Variants in LAMC2 observed in about 807,000 individuals in gnomAD.
LAMC2 encodes the protein laminin subunit gamma 2, also known as laminin subunit gamma-2.
In LAMC2, 97 loss-of-function variants were observed where a neutral mutation model predicts 140.2. That is an observed-to-expected ratio of 0.69 (90% CI 0.59 to 0.82). The LOEUF (loss-of-function observed/expected upper bound fraction) is 0.82. LAMC2 is among the 40% of genes least tolerant of loss of function. The pLI is 0.00. For synonymous variants in LAMC2, 513 were observed against 540.2 expected (o/e 0.95, Z 0.70); for missense variants, 1,402 against 1,476.1 (o/e 0.95, Z 0.82).
chr1:183,206,522 A>G (rs1571510356), intron 1 of LAMC2, among the ~76,000 whole-genome samples: 1 of 152,058 alleles, frequency 6.6e-6, no homozygotes, highest in Non-Finnish European at 1.5e-5. Flanking sequence ...GTGCGCACCT[A>G]TAATCCCAGC....
intron 9 of LAMC2, 29 bp downstream of exon 9, chr1:183,226,945 G>T (rs1478287125): frequency 6.4e-7 from 1 of 1,564,312 alleles, no homozygotes; most frequent in African/African-American, 1.4e-5. Flanking sequence ...GGACCAGGTG[G>T]CTGGGGTGTC....
Position 183,225,593 on chromosome 1 carries a change from T to C in LAMC2, c.954-15T>C, listed in dbSNP as rs370813334. ...AGAATCGGATTTTTAAAGCTTTTGA[T>C]TTTAAATTATGCAGGTTAAATGAGC... On this transcript the variant is annotated splice_polypyrimidine_tract_variant and intron_variant, in intron 7 of 22. Transcript: ENST00000264144. 345 of 1,560,344 alleles carry C rather than the reference T, an allele frequency of 2.2e-4. No homozygotes were observed. Among genetic ancestry groups the C allele is most frequent in the Non-Finnish European group, 2.9e-4 (332 of 1,131,262 alleles).
intron 1 of LAMC2, among the ~76,000 whole-genome samples, chr1:183,202,134 C>T (rs904690828): frequency 2.6e-5 from 4 of 151,212 alleles, no homozygotes; most frequent in Non-Finnish European, 4.4e-5. Flanking sequence ...GTGGAGGTTG[C>T]AATGAGCTGA....
At chr1:183,200,714 C>T (rs975111674) in intron 1 of LAMC2, among the ~76,000 whole-genome samples, 2 of 151,936 alleles carry the variant, frequency 1.3e-5, no homozygotes, top group East Asian at 1.9e-4. Context: ...GAAGTGAGCC[C>T]GAGGGATCCT....
Position 183,243,198 on chromosome 1 carries a change from T to C in LAMC2, c.3380T>C (p.Leu1127Pro), listed in dbSNP as rs1297463421. The change falls in exon 23 of 23, where the codon CTT becomes CCT. Residue 1127 changes from leucine (L) to proline (P), a missense_variant. Leu to Pro is a moderately conservative substitution (Grantham distance 98). Transcript: ENST00000264144. ...EEGLVLLEQK[L>P]SRAKTQINSQ... ...GGGCTGGTCTTACTGGAGCAGAAGC[T>C]TTCCCGAGCCAAGACCCAGATCAAC... 6.2e-7 allele frequency: 1 copy of C among 1,613,870 alleles called. No homozygotes were observed. The highest frequency in any genetic ancestry group is 8.5e-7 in the Non-Finnish European group (1 of 1,179,908).
At chr1:183,241,550 T>C (rs1286955452) in intron 22 of LAMC2, among the ~76,000 whole-genome samples, 1 of 152,224 alleles carries the variant, frequency 6.6e-6, no homozygotes, top group African/African-American at 2.4e-5. Context: ...TTTATCAAGC[T>C]TGGACTGCAG....
At chr1:183,206,838 G>A (rs1658901270) in intron 1 of LAMC2, among the ~76,000 whole-genome samples, 2 of 152,162 alleles carry the variant, frequency 1.3e-5, no homozygotes, top group South Asian at 4.1e-4. Flanking sequence ...AGCCTGTGTA[G>A]GGAAGGGAGG....
chr1:183,217,652 G>T (rs890570094), intron 3 of LAMC2, among the ~76,000 whole-genome samples: 1 of 152,192 alleles, frequency 6.6e-6, no homozygotes, highest in African/African-American at 2.4e-5. Flanking sequence ...ACCACATATG[G>T]TATAATTCCA....
chr1:183,186,335 G>A lies in LAMC2; in HGVS notation c.-18G>A, dbSNP rs764940024. The A allele has an allele frequency of 5.7e-6, 9 of 1,584,446 alleles. No homozygotes were observed. In the Admixed American group the frequency reaches 1.6e-4, roughly 28 times the overall value. On this transcript the variant is annotated 5_prime_UTR_variant, in exon 1 of 23. Coordinates refer to ENST00000264144, the MANE Select transcript of LAMC2 (RefSeq NM_005562.3). ...GACCCCTGCAGCGGAGACAGAGACTGAGCGGCCCGGCCCCGCCATGCCTGC... is the reference window on the plus strand; with the variant it reads ...GACCCCTGCAGCGGAGACAGAGACTAAGCGGCCCGGCCCCGCCATGCCTGC...
intron 13 of LAMC2, 149 bp downstream of exon 13, chr1:183,232,492 T>C: frequency 4.5e-6 from 5 of 1,109,256 alleles, no homozygotes; most frequent in Non-Finnish European, 6.7e-6. Flanking sequence ...TCTGTGGCAT[T>C]CCCCCTGGGA....
At chr1:183,193,487 AT>A (rs1658410264) in intron 1 of LAMC2, among the ~76,000 whole-genome samples, 1 of 137,688 alleles carries the variant, frequency 7.3e-6, no homozygotes. Context: ...CATGGCCAGA[AT>A]GTTGACCATG....
the LAMC2 span, among the ~76,000 whole-genome samples, chr1:183,257,300 G>C: frequency 5.1e-4 from 77 of 152,118 alleles, 3 homozygotes; most frequent in African/African-American, 1.7e-3. Flanking sequence ...AATTAGCTGG[G>C]TGTGGTGGCA....
chr1:183,222,058 C>T, intron 5 of LAMC2, 31 bp from the exon 6 acceptor site: 2 of 1,613,990 alleles, frequency 1.2e-6, no homozygotes, highest in Non-Finnish European at 1.7e-6. Flanking sequence ...GAGGGCTTGT[C>T]CAATGCAGAC....
chr1:183,241,547 A>G (rs1405105081), intron 22 of LAMC2, among the ~76,000 whole-genome samples: 1 of 152,232 alleles, frequency 6.6e-6, no homozygotes, highest in East Asian at 1.9e-4. Flanking sequence ...TGTTTTATCA[A>G]GCTTGGACTG....
Position 183,236,574 on chromosome 1 carries a change from G to T in LAMC2, c.2571G>T (p.Arg857=). ...HSLRLLDSVS[R]LQGVSDQSFQ... is the part of the protein sequence containing the mutation. ...TCCGCCTCCTGGATTCAGTGTCTCG[G>T]CTTCAGGGAGTCAGTGATCAGTCCT... is the stretch of plus-strand genomic sequence containing the variant. The change falls in exon 17 of 23, where the codon CGG becomes CGT. Residue 857 remains arginine, a synonymous_variant. Transcript: ENST00000264144. The T allele has an allele frequency of 1.9e-6, 3 of 1,614,122 alleles. No individual in the cohort carries two copies. Among genetic ancestry groups the T allele is most frequent in the Non-Finnish European group, 2.5e-6 (3 of 1,180,000 alleles).
chr1:183,198,770 C>T (rs1228419309), intron 1 of LAMC2, among the ~76,000 whole-genome samples: 2 of 152,192 alleles, frequency 1.3e-5, no homozygotes, highest in African/African-American at 2.4e-5. Context: ...GGCTCGCTGC[C>T]CGTTGAGGTG....
chr1:183,234,541 T>G lies in LAMC2; in HGVS notation c.2300+95T>G, dbSNP rs758068163. On this transcript the variant is annotated intron_variant, in intron 15 of 22. Transcript: ENST00000264144. ...GGTATTAGGGACCCAAGCATCGTATTTATTCTCTCCAGGCTCCTTTGCAGC... is the reference window on the plus strand; with the variant it reads ...GGTATTAGGGACCCAAGCATCGTATGTATTCTCTCCAGGCTCCTTTGCAGC... The G allele has an allele frequency of 3.0e-6, 3 of 989,230 alleles. No homozygotes were observed. The East Asian group carries it at 7.4e-5, about 24-fold the overall frequency. The allele number at this position is 989,230 out of a possible 1,614,324, so 61.3% of individuals were successfully genotyped here. A position where few individuals can be genotyped will look rare whatever the true frequency, so the allele number is the denominator to read the frequency against.
At position 183,207,910 on chromosome 1, in the gene LAMC2, T is replaced by G. The variant is rs1658945389; in HGVS notation, c.109T>G (p.Cys37Gly). The G allele has an allele frequency of 6.2e-7, 1 of 1,611,986 alleles. No homozygotes were observed. Among genetic ancestry groups the G allele is most frequent in the Non-Finnish European group, 8.5e-7 (1 of 1,179,778 alleles). ...VCDCNGKSRQ[C>G]IFDRELHRQT... is the part of the protein sequence containing the mutation. ...TGATTGCAATGGGAAGTCCAGGCAG[T>G]GTATCTTTGATCGGGAACTTCACAG... Residue 37 changes from cysteine (C) to glycine (G), a missense_variant, in exon 2 of 23, where the codon TGT becomes GGT. Transcript: ENST00000264144.
At chr1:183,221,769 C>T (rs992242196) in intron 5 of LAMC2, among the ~76,000 whole-genome samples, 1 of 149,782 alleles carries the variant, frequency 6.7e-6, no homozygotes, top group South Asian at 2.2e-4. Flanking sequence ...AGACTGGACC[C>T]TCTCACTTCA....
Sources: allele counts gnomAD v4.1 joint callset (sites outside exome capture counted in the v4.1 genomes callset), GRCh38; gene constraint gnomAD v4.1.1; transcripts MANE v1.5; gene names NCBI Gene and HGNC (gene_info 2026-07-23, HGNC 2026-07-21).